CSMD1: variants seen among roughly 807,000 people sequenced by gnomAD.
The protein encoded by CSMD1 is CUB and Sushi multiple domains 1, also known as CUB and sushi domain-containing protein 1.
CSMD1 carries 213 observed loss-of-function variants against 417.5 expected under a neutral mutation model. The ratio of observed to expected loss-of-function variants is 0.51; its 90% CI spans 0.46 to 0.57. The LOEUF is 0.57. Among genes scored for constraint, CSMD1 ranks in the 20% least tolerant of loss-of-function variants. The probability of loss-of-function intolerance (pLI) is 0.00; values close to 1 mark genes in which losing one functional copy is unlikely to be tolerated. For synonymous variants in CSMD1, 2,862 were observed against 1,736.8 expected, an observed-to-expected ratio of 1.65 and a Z score of -16.11; for missense variants, 6,923 against 4,529.7, an observed-to-expected ratio of 1.53 and a Z score of -15.17.
chr8:3,712,501 A>T (rs1329323463), intron 6 of CSMD1, among the ~76,000 whole-genome samples: 1 of 152,168 alleles, frequency 6.6e-6, no homozygotes, highest in East Asian at 1.9e-4. Context: ...CACCTATGGC[A>T]AATCCCTGCA....
chr8:4,123,152 G>C (rs1271957386), intron 3 of CSMD1, among the ~76,000 whole-genome samples: 1 of 152,252 alleles, frequency 6.6e-6, no homozygotes, highest in Admixed American at 6.5e-5. Context: ...TATTTAGGCA[G>C]TCCATGCTGA....
intron 12 of CSMD1, among the ~76,000 whole-genome samples, chr8:3,463,776 A>C (rs560245777): frequency 3.9e-5 from 6 of 152,284 alleles, no homozygotes; most frequent in African/African-American, 1.4e-4. Context: ...AGATTACATA[A>C]CATCAATGCT....
intron 5 of CSMD1, among the ~76,000 whole-genome samples, chr8:3,800,689 G>C (rs990828723): frequency 4.6e-5 from 7 of 152,170 alleles, no homozygotes; most frequent in Non-Finnish European, 8.8e-5. Flanking sequence ...GTGGGAGTGA[G>C]TGAGTTCTTG....
chr8:3,941,097 T>C (rs979307773), intron 5 of CSMD1, among the ~76,000 whole-genome samples: 16 of 152,064 alleles, frequency 1.1e-4, no homozygotes, highest in African/African-American at 3.9e-4. Flanking sequence ...AAATTTATCA[T>C]TTATGCTAGA....
At chr8:4,389,572 G>C (rs191244754) in intron 3 of CSMD1, among the ~76,000 whole-genome samples, 1 of 152,072 alleles carries the variant, frequency 6.6e-6, no homozygotes, top group African/African-American at 2.4e-5. Flanking sequence ...AAGAACAAGA[G>C]ATGTTTAAGA....
intron 5 of CSMD1, among the ~76,000 whole-genome samples, chr8:3,955,535 G>C (rs150862793): frequency 2.2e-3 from 335 of 152,274 alleles, no homozygotes; most frequent in African/African-American, 7.7e-3. Flanking sequence ...TAAGTCAGTA[G>C]AGGATTTGGC....
At chr8:3,231,304 A>T (rs1228819349) in intron 26 of CSMD1, among the ~76,000 whole-genome samples, 3 of 152,208 alleles carry the variant, frequency 2.0e-5, no homozygotes, top group Non-Finnish European at 4.4e-5. Context: ...AAGAGATGAC[A>T]ATTAAAAGCT....
At chr8:4,867,103 C>T (rs1470632002) in intron 1 of CSMD1, among the ~76,000 whole-genome samples, 4 of 151,740 alleles carry the variant, frequency 2.6e-5, no homozygotes, top group African/African-American at 9.7e-5. Context: ...ATAAAGTGAC[C>T]CTTGTGATAT....
At chr8:3,069,841 G>A (rs1813205355) in intron 49 of CSMD1, among the ~76,000 whole-genome samples, 1 of 152,200 alleles carries the variant, frequency 6.6e-6, no homozygotes, top group East Asian at 1.9e-4. Flanking sequence ...CTCTGTGAGG[G>A]CTCTGCACCT....
At chr8:3,440,133 C>A (rs926885097) in intron 12 of CSMD1, among the ~76,000 whole-genome samples, 2 of 152,130 alleles carry the variant, frequency 1.3e-5, no homozygotes, top group African/African-American at 4.8e-5. Flanking sequence ...TTAGCTATTC[C>A]AGTTCCTCTA....
intron 50 of CSMD1, among the ~76,000 whole-genome samples, chr8:3,032,897 C>T (rs920121310): frequency 6.6e-6 from 1 of 152,010 alleles, no homozygotes; most frequent in Non-Finnish European, 1.5e-5. Flanking sequence ...TAAAATTTTC[C>T]TCATAAGTTT....
At chr8:3,590,468 T>G (rs769249533) in intron 8 of CSMD1, among the ~76,000 whole-genome samples, 4 of 152,140 alleles carry the variant, frequency 2.6e-5, no homozygotes, top group Non-Finnish European at 4.4e-5. Flanking sequence ...ACTAGTTCAG[T>G]GGAGAGCGGA....
chr8:3,801,736 T>C (rs913978456), intron 5 of CSMD1, among the ~76,000 whole-genome samples: 5 of 152,184 alleles, frequency 3.3e-5, no homozygotes, highest in African/African-American at 1.2e-4. Context: ...ATTCACCAAC[T>C]GATGACTCTG....
chr8:3,745,267 G>T (rs117280880), intron 6 of CSMD1, among the ~76,000 whole-genome samples: 2 of 152,164 alleles, frequency 1.3e-5, no homozygotes, highest in Middle Eastern at 3.2e-3. Flanking sequence ...CCCTGGAGGA[G>T]AATATGCCAC....
chr8:4,541,219 T>G (rs1364298497), intron 2 of CSMD1, among the ~76,000 whole-genome samples: 1 of 152,174 alleles, frequency 6.6e-6, no homozygotes, highest in Non-Finnish European at 1.5e-5. Flanking sequence ...CCATCTCTGC[T>G]TTGCCAGTAA....
At chr8:4,547,107 A>G (rs1179749423) in intron 2 of CSMD1, among the ~76,000 whole-genome samples, 2 of 152,136 alleles carry the variant, frequency 1.3e-5, no homozygotes, top group African/African-American at 2.4e-5. Context: ...AAAATTCAAT[A>G]TATGCATCCC....
intron 1 of CSMD1, among the ~76,000 whole-genome samples, chr8:4,849,427 C>A (rs528286838): frequency 7.3e-4 from 110 of 151,418 alleles, no homozygotes; most frequent in African/African-American, 2.6e-3. Flanking sequence ...TTTGCTATAC[C>A]CTCAGTGTAC....
At chr8:3,769,562 C>T (rs1173875109) in intron 5 of CSMD1, among the ~76,000 whole-genome samples, 2 of 151,824 alleles carry the variant, frequency 1.3e-5, no homozygotes, top group East Asian at 1.9e-4. Context: ...TTTCTATGTG[C>T]TTTCCTTTAC....
At chr8:3,259,773 T>C (rs1421721720) in intron 26 of CSMD1, among the ~76,000 whole-genome samples, 7 of 152,254 alleles carry the variant, frequency 4.6e-5, no homozygotes, top group Non-Finnish European at 8.8e-5. Context: ...GCAAACTGTA[T>C]ACTGGAAATC....
Sources: gnomAD v4.1 joint callset for allele counts (sites outside exome capture counted in the v4.1 genomes callset) on GRCh38, gnomAD v4.1.1 for gene constraint, MANE v1.5 for transcripts, NCBI Gene and HGNC (gene_info 2026-07-23, HGNC 2026-07-21) for gene names.